BAZ1B: variants seen among roughly 807,000 people sequenced by gnomAD.
BAZ1B encodes the protein bromodomain adjacent to zinc finger domain 1B.
A neutral mutation model predicts 153.8 loss-of-function variants in BAZ1B; 22 were observed. That is an observed-to-expected ratio of 0.14 (90% confidence interval 0.10 to 0.20). The LOEUF is 0.20. Ranked by LOEUF, BAZ1B falls within the 10% of genes least tolerant of loss-of-function variation. BAZ1B has a pLI of 1.00. For synonymous variants in BAZ1B, 676 were observed against 633.4 expected, an observed-to-expected ratio of 1.07 and a Z score of -1.01; for missense variants, 1,325 against 1,799.3, an observed-to-expected ratio of 0.74 and a Z score of 4.77.
intron 1 of BAZ1B, among the ~76,000 whole-genome samples, chr7:73,518,329 C>T (rs1280355695): frequency 6.6e-6 from 1 of 151,634 alleles, no homozygotes; most frequent in Non-Finnish European, 1.5e-5. Flanking sequence ...AGGAAAATGG[C>T]GTGAACCCGG....
intron 10 of BAZ1B, among the ~76,000 whole-genome samples, chr7:73,465,858 C>G (rs1331048134): frequency 6.6e-6 from 1 of 152,140 alleles, no homozygotes; most frequent in Non-Finnish European, 1.5e-5. Context: ...GTCATTAAAT[C>G]ACAGGTGATC....
At chr7:73,500,113 T>C (rs1790066503) in intron 3 of BAZ1B, among the ~76,000 whole-genome samples, 1 of 152,184 alleles carries the variant, frequency 6.6e-6, no homozygotes, top group Non-Finnish European at 1.5e-5. Context: ...ACCTGGTCAA[T>C]GTCTACCCTT....
chr7:73,498,388 T>C, intron 4 of BAZ1B, 109 bp downstream of exon 4: 6 of 1,014,802 alleles, frequency 5.9e-6, no homozygotes, highest in Non-Finnish European at 8.9e-6. Context: ...CAAAATCATG[T>C]CTACATAAAA....
chr7:73,504,417 A>G (rs1490543054), intron 3 of BAZ1B, among the ~76,000 whole-genome samples: 1 of 151,930 alleles, frequency 6.6e-6, no homozygotes, highest in African/African-American at 2.4e-5. Flanking sequence ...TAATCCCAGC[A>G]CTCTGGGAGG....
intron 3 of BAZ1B, among the ~76,000 whole-genome samples, chr7:73,499,217 G>A (rs982669582): frequency 3.0e-4 from 46 of 152,110 alleles, no homozygotes; most frequent in African/African-American, 1.1e-3. Context: ...TAGTAGAGAC[G>A]AGGTTTCACC....
At chr7:73,472,520 A>G (rs1554572145) in intron 7 of BAZ1B, among the ~76,000 whole-genome samples, 1 of 152,144 alleles carries the variant, frequency 6.6e-6, no homozygotes, top group Non-Finnish European at 1.5e-5. Context: ...AGCCTCCCCA[A>G]GTGCTGGGAT....
At chr7:73,457,335 G>A (rs957594134) in intron 13 of BAZ1B, among the ~76,000 whole-genome samples, 1 of 151,926 alleles carries the variant, frequency 6.6e-6, no homozygotes, top group African/African-American at 2.4e-5. Flanking sequence ...GCGCCACCAC[G>A]CCTGGCTAAT....
chr7:73,461,099 C>T (rs1788380184), intron 12 of BAZ1B, among the ~76,000 whole-genome samples: 1 of 152,050 alleles, frequency 6.6e-6, no homozygotes, highest in Admixed American at 6.6e-5. Context: ...CCTCAGCCTC[C>T]CGAGTAGCTG....
chr7:73,463,789 C>T (rs1788479100), intron 11 of BAZ1B, among the ~76,000 whole-genome samples: 1 of 151,934 alleles, frequency 6.6e-6, no homozygotes, highest in African/African-American at 2.4e-5. Context: ...CTCACTGCAA[C>T]CTCCACCTCC....
At chr7:73,460,478 C>T (rs1788359064) in intron 12 of BAZ1B, among the ~76,000 whole-genome samples, 1 of 151,920 alleles carries the variant, frequency 6.6e-6, no homozygotes, top group Non-Finnish European at 1.5e-5. Flanking sequence ...GTATGTTTTA[C>T]AAACTTGATC....
At chr7:73,507,668 A>G (rs1291453368) in intron 3 of BAZ1B, among the ~76,000 whole-genome samples, 1 of 152,234 alleles carries the variant, frequency 6.6e-6, no homozygotes, top group Non-Finnish European at 1.5e-5. Context: ...CAATTATTAC[A>G]ATACTAAAAC....
At chr7:73,517,448 T>C (rs1001105328) in intron 1 of BAZ1B, among the ~76,000 whole-genome samples, 31 of 150,952 alleles carry the variant, frequency 2.1e-4, no homozygotes, top group African/African-American at 7.3e-4. Flanking sequence ...TAAGCCATGA[T>C]CACACATCAC....
Position 73,510,617 on chromosome 7 carries a change from GTAATA to G in BAZ1B, c.224+114_224+118del, listed in dbSNP as rs555604130. 1.1e-5 allele frequency: 10 copies of G among 945,296 alleles called. No homozygotes were observed. In the East Asian group the frequency reaches 2.2e-4, roughly 21 times the overall value. 58.6% of individuals were successfully genotyped at this position (945,296 alleles called of 1,614,324 possible). On this transcript the variant is annotated intron_variant, in intron 2 of 19. Transcript: ENST00000339594. ...CCAGAAACCCATACAGTACACTAAT[GTAATA>G]TAGTCTAATTTGTGCCCCATAAACT...
intron 9 of BAZ1B, among the ~76,000 whole-genome samples, chr7:73,468,356 T>C (rs1788671409): frequency 6.6e-6 from 1 of 151,728 alleles, no homozygotes; most frequent in Non-Finnish European, 1.5e-5. Flanking sequence ...GAATAACCTA[T>C]AATGCACAGG....
At chr7:73,455,460 T>C (rs1788159969) in intron 13 of BAZ1B, among the ~76,000 whole-genome samples, 1 of 152,224 alleles carries the variant, frequency 6.6e-6, no homozygotes, top group South Asian at 2.1e-4. Context: ...TTAAGTTTCA[T>C]ATTTATTAAT....
chr7:73,492,485 A>G (rs1476685041), intron 5 of BAZ1B, among the ~76,000 whole-genome samples: 2 of 152,134 alleles, frequency 1.3e-5, no homozygotes, highest in South Asian at 4.1e-4. Flanking sequence ...TTTAACTGGG[A>G]AGAGTGATTT....
At chr7:73,460,658 A>C (rs1554570240) in intron 12 of BAZ1B, among the ~76,000 whole-genome samples, 2 of 151,950 alleles carry the variant, frequency 1.3e-5, no homozygotes. Flanking sequence ...CTAATTTTTT[A>C]AATTCTTTTT....
intron 1 of BAZ1B, among the ~76,000 whole-genome samples, chr7:73,516,786 A>C (rs1315139557): frequency 3.3e-5 from 5 of 150,570 alleles, no homozygotes; most frequent in Non-Finnish European, 7.4e-5. Flanking sequence ...AAAAAAAAAA[A>C]AAAAAAAAAA....
At chr7:73,453,219 T>C (rs1247166994) in intron 13 of BAZ1B, among the ~76,000 whole-genome samples, 3 of 152,246 alleles carry the variant, frequency 2.0e-5, no homozygotes, top group African/African-American at 7.2e-5. Context: ...CGAGGCATAA[T>C]GCCATTTTAA....
Sources: gnomAD v4.1 joint callset for allele counts (sites outside exome capture counted in the v4.1 genomes callset) on GRCh38, gnomAD v4.1.1 for gene constraint, MANE v1.5 for transcripts, NCBI Gene and HGNC (gene_info 2026-07-23, HGNC 2026-07-21) for gene names.